ZFP14: variants seen among roughly 807,000 people sequenced by gnomAD.
ZFP14 encodes zinc finger protein 14 homolog.
In ZFP14, 22 loss-of-function variants were observed where a neutral mutation model predicts 54.5. The observed-to-expected ratio is 0.40, with a 90% CI of 0.29 to 0.58. The LOEUF is 0.58. Among genes scored for constraint, ZFP14 ranks in the 20% least tolerant of loss-of-function variants. ZFP14 has a pLI of 0.39. For missense variants in ZFP14, 470 were observed against 637.8 expected, an observed-to-expected ratio of 0.74 and a Z score of 2.83; for synonymous variants, 159 against 204.0, an observed-to-expected ratio of 0.78 and a Z score of 1.88.
intron 2 of ZFP14, among the ~76,000 whole-genome samples, chr19:36,365,645 A>G (rs2031782357): frequency 1.1e-5 from 1 of 89,068 alleles, no homozygotes; most frequent in Non-Finnish European, 2.3e-5. Context: ...CCTGGATGTT[A>G]TTTTTGTTTT....
intron 3 of ZFP14, among the ~76,000 whole-genome samples, chr19:36,361,738 A>G (rs562905404): frequency 1.3e-5 from 2 of 152,294 alleles, no homozygotes; most frequent in East Asian, 3.9e-4. Context: ...ATCTCACACT[A>G]TGTTCTACAG....
intron 1 of ZFP14, among the ~76,000 whole-genome samples, chr19:36,371,448 A>C (rs71354194): frequency 0.047 from 7,111 of 152,276 alleles, 217 homozygotes; most frequent in Non-Finnish European, 0.066. Flanking sequence ...AATTTTGAAA[A>C]TGCAAGACAG....
chr19:36,374,070 G>C lies in ZFP14; in HGVS notation c.-80+5093C>G, dbSNP rs1222557759. ...ACTGATGATGCCCTATAGTAGCAAG[G>C]TTGTGGGGACACCGACACTAGGTCG... is the stretch of plus-strand genomic sequence containing the variant. On this transcript the variant is annotated intron_variant, in intron 1 of 4. Transcript: ENST00000270001. Among the ~76,000 whole-genome samples, 6 of 152,278 alleles carry C rather than the reference G, an allele frequency of 3.9e-5. No individual in the cohort carries two copies. The South Asian group carries it at 8.3e-4, about 21-fold the overall frequency.
chr19:36,343,130 G>C (rs947226199), intron 4 of ZFP14, among the ~76,000 whole-genome samples: 2 of 152,182 alleles, frequency 1.3e-5, no homozygotes, highest in Admixed American at 6.5e-5. Flanking sequence ...CTATGCAGAG[G>C]TGTTTTTAAC....
Position 36,350,947 on chromosome 19 carries a change from T to C in ZFP14, c.236-9357A>G, listed in dbSNP as rs914405029. On this transcript the variant is annotated intron_variant, in intron 4 of 4. Coordinates refer to ENST00000270001, the MANE Select transcript of ZFP14 (RefSeq NM_020917.3). ...CCACAAAAATAAAGACAAAATTTTG[T>C]ACCCTTTAAAAATTAAGACGTAATA... 2.1e-5 allele frequency among the ~76,000 whole-genome samples: 3 copies of C among 143,010 alleles called. 1 individual carries two copies. The highest frequency in any genetic ancestry group is 7.7e-5 in the African/African-American group (3 of 39,072). 93.8% of individuals were successfully genotyped at this position (143,010 alleles called of 152,430 possible).
chr19:36,355,732 C>G (rs1436932133), intron 4 of ZFP14, among the ~76,000 whole-genome samples: 1 of 141,204 alleles, frequency 7.1e-6, no homozygotes, highest in Non-Finnish European at 1.6e-5. Context: ...CTTTCTCTCT[C>G]TGTGTCATAT....
At chr19:36,367,467 G>A (rs2145560303) in intron 2 of ZFP14, among the ~76,000 whole-genome samples, 1 of 152,170 alleles carries the variant, frequency 6.6e-6, no homozygotes, top group African/African-American at 2.4e-5. Context: ...CTCACAGGAG[G>A]GAAAAGAACT....
At chr19:36,373,884 CCT>C (rs2031917028) in intron 1 of ZFP14, among the ~76,000 whole-genome samples, 1 of 132,596 alleles carries the variant, frequency 7.5e-6, no homozygotes, top group South Asian at 2.3e-4. Context: ...TGCACTCAAG[CCT>C]GGGCAACAGA....
chr19:36,340,312 T>C lies in ZFP14; in HGVS notation c.1514A>G (p.Glu505Gly). 1 of 1,614,136 alleles carries C rather than the reference T, an allele frequency of 6.2e-7. No homozygotes were observed. The highest frequency in any genetic ancestry group is 1.1e-5 in the South Asian group (1 of 91,080). Residue 505 changes from glutamate (E) to glycine (G), a missense_variant, in exon 5 of 5, where the codon GAG becomes GGG. Physicochemically the swap from Glu to Gly is moderately conservative, Grantham distance 98. Transcript: ENST00000270001. This position sits in a 1 kb window ranked among gnomAD's most constrained non-coding sequence, Gnocchi z 5.4. Reference sequence around the variant, plus strand: ...ACACTCCTTACACTTGTAGGGCTTCTCACCAGTATGAATTCTCTGGTGTTG... The same window carrying C: ...ACACTCCTTACACTTGTAGGGCTTCCCACCAGTATGAATTCTCTGGTGTTG... ...LTQHQRIHTG[E>G]KPYKCKECKK...
At chr19:36,357,188 G>GCACCAC (rs2031628311) in intron 4 of ZFP14, among the ~76,000 whole-genome samples, 1 of 152,034 alleles carries the variant, frequency 6.6e-6, no homozygotes, top group East Asian at 1.9e-4. Flanking sequence ...GATTACAGGC[G>GCACCAC]CATGCCAAGA....
At chr19:36,366,856 A>T (rs1395000339) in intron 2 of ZFP14, among the ~76,000 whole-genome samples, 1 of 152,112 alleles carries the variant, frequency 6.6e-6, no homozygotes, top group East Asian at 1.9e-4. Flanking sequence ...AAAACGTTTT[A>T]AAAATGTCAT....
chr19:36,339,959 C>T lies in ZFP14; in HGVS notation c.*265G>A, dbSNP rs2031279159. ...AGGCACAGAAGCTTAGTATCTTGTC[C>T]AATAAATCAAACTGGTAATCAAGTG... On this transcript the variant is annotated 3_prime_UTR_variant, in exon 5 of 5. Coordinates refer to ENST00000270001, the MANE Select transcript of ZFP14 (RefSeq NM_020917.3). 3 of 326,054 alleles carry T rather than the reference C, an allele frequency of 9.2e-6. No homozygotes were observed. In the South Asian group the frequency reaches 2.5e-4, roughly 27 times the overall value. 20.2% of individuals were successfully genotyped at this position (326,054 alleles called of 1,614,324 possible).
At position 36,340,635 on chromosome 19, in the gene ZFP14, T is replaced by TGTTGAA; in HGVS notation, c.1190_1191insTTCAAC (p.Glu397delinsAspSerThr). 1 of 1,614,082 alleles carries TGTTGAA rather than the reference T, an allele frequency of 6.2e-7. No individual in the cohort carries two copies. The highest frequency in any genetic ancestry group is 8.5e-7 in the Non-Finnish European group (1 of 1,180,010). ...TAAAGGTCTTCCAACATTCCATACATTCATAGGGTTTCTCACGAGTATGTA... is the reference window on the plus strand; with the variant it reads ...TAAAGGTCTTCCAACATTCCATACATGTTGAATCATAGGGTTTCTCACGAGTATGTA... On this transcript the variant is annotated protein_altering_variant, in exon 5 of 5. Coordinates refer to ENST00000270001, the MANE Select transcript of ZFP14 (RefSeq NM_020917.3). This position sits in a 1 kb window ranked among gnomAD's most constrained non-coding sequence, Gnocchi z 5.4.
At chr19:36,346,122 A>C (rs2031408600) in intron 4 of ZFP14, among the ~76,000 whole-genome samples, 1 of 151,930 alleles carries the variant, frequency 6.6e-6, no homozygotes, top group South Asian at 2.1e-4. Context: ...GCAAAACCCT[A>C]TCTCTACAAA....
In ZFP14 at chr19:36,340,944, T is replaced by G. The variant is rs1461238610; in HGVS notation, c.882A>C (p.Arg294Ser). The part of the protein sequence containing the change: ...YECKDCGKTF[R>S]QCTHLTRHQR... ...GATGGCGTGTAAGGTGTGTACACTG[T>G]CTAAAGGTCTTTCCACAGTCCTTAC... Residue 294 changes from arginine (R) to serine (S), a missense_variant, in exon 5 of 5, where the codon AGA becomes AGC. Arg to Ser is a moderately radical substitution (Grantham distance 110). Coordinates refer to ENST00000270001, the MANE Select transcript of ZFP14 (RefSeq NM_020917.3). This position sits in a 1 kb window ranked among gnomAD's most constrained non-coding sequence, Gnocchi z 5.4. 1 of 1,613,910 alleles carries G rather than the reference T, an allele frequency of 6.2e-7. No individual in the cohort carries two copies. Among genetic ancestry groups the G allele is most frequent in the Non-Finnish European group, 8.5e-7 (1 of 1,179,994 alleles).
rs189532983 is a variant in ZFP14 at position 36,348,462 on chromosome 19, G to A, written c.236-6872C>T. Reference sequence around the variant, plus strand: ...CTGACTCCTTGATATAGAGGTTCTGGAGGATGTCTTACCAGGACAGTCAGG... The same window carrying A: ...CTGACTCCTTGATATAGAGGTTCTGAAGGATGTCTTACCAGGACAGTCAGG... On this transcript the variant is annotated intron_variant, in intron 4 of 4. Transcript: ENST00000270001. Among the ~76,000 whole-genome samples the A allele has an allele frequency of 6.2e-4, 95 of 152,222 alleles. No individual in the cohort carries two copies. In the East Asian group the frequency reaches 0.013, roughly 21 times the overall value.
intron 1 of ZFP14, among the ~76,000 whole-genome samples, chr19:36,377,540 T>A: frequency 8.5e-6 from 1 of 117,198 alleles, no homozygotes. Context: ...AGTGAGACCC[T>A]GTCTCTAAAA....
At chr19:36,342,538 T>C (rs2031339788) in intron 4 of ZFP14, among the ~76,000 whole-genome samples, 1 of 149,058 alleles carries the variant, frequency 6.7e-6, no homozygotes, top group Non-Finnish European at 1.5e-5. Flanking sequence ...ATAGTTGACA[T>C]CTAAAGGGAT....
At chr19:36,362,300 AG>A in intron 2 of ZFP14, 62 bp from the exon 3 acceptor site, 1 of 1,532,482 alleles carries the variant, frequency 6.5e-7, no homozygotes, top group Non-Finnish European at 8.8e-7. Context: ...AAATGGAAAG[AG>A]GGGAGATTGA....
Sources: gnomAD v4.1 joint callset for allele counts (sites outside exome capture counted in the v4.1 genomes callset) on GRCh38, gnomAD v4.1.1 for gene constraint, Gnocchi (gnomAD v3.1) non-coding constraint, MANE v1.5 for transcripts, NCBI Gene and HGNC (gene_info 2026-07-23, HGNC 2026-07-21) for gene names.